DYNLT5: variants seen among roughly 807,000 people sequenced by gnomAD.
DYNLT5 encodes dynein light chain Tctex-type family member 5, also known as dynein light chain Tctex-type 5.
In DYNLT5, 25 loss-of-function variants were observed where a neutral mutation model predicts 19.3. The ratio of observed to expected loss-of-function variants is 1.30; its 90% CI spans 0.95 to 1.81. DYNLT5 has a LOEUF of 1.81. Ranked by LOEUF, DYNLT5 falls within the 40% of genes most tolerant of loss-of-function variation. The pLI is 0.00. For missense variants in DYNLT5, 232 were observed against 217.9 expected, an observed-to-expected ratio of 1.06 and a Z score of -0.41; for synonymous variants, 82 against 68.9, an observed-to-expected ratio of 1.19 and a Z score of -0.94.
In DYNLT5 at chr1:66,754,296, A is replaced by G. The variant is rs145378837; in HGVS notation, c.-3-360A>G. ...TAATTAGCAAAGTTGTATTATGGTTACATTTGGGGGGCAATACAAATATTG... is the reference window on the plus strand; with the variant it reads ...TAATTAGCAAAGTTGTATTATGGTTGCATTTGGGGGGCAATACAAATATTG... On this transcript the variant is annotated intron_variant, in intron 1 of 4. Coordinates refer to ENST00000282670, the MANE Select transcript of DYNLT5 (RefSeq NM_152665.3). Among the ~76,000 whole-genome samples the G allele has an allele frequency of 3.4e-3, 519 of 152,342 alleles. 6 individuals carry two copies. Among genetic ancestry groups the G allele is most frequent in the African/African-American group, 0.011 (478 of 41,584 alleles).
intron 2 of DYNLT5, among the ~76,000 whole-genome samples, chr1:66,756,682 A>C (rs2094636545): frequency 6.6e-6 from 1 of 152,216 alleles, no homozygotes; most frequent in Non-Finnish European, 1.5e-5. Context: ...ACTAAAGTTT[A>C]CAGGTCAAGT....
At chr1:66,761,002 C>T (rs555319545) in intron 2 of DYNLT5, among the ~76,000 whole-genome samples, 196 of 152,158 alleles carry the variant, frequency 1.3e-3, no homozygotes, top group African/African-American at 4.2e-3. Flanking sequence ...CACTTCTACT[C>T]GAAAAAAATA....
chr1:66,754,244 A>C (rs953205707), intron 1 of DYNLT5, among the ~76,000 whole-genome samples: 1 of 152,230 alleles, frequency 6.6e-6, no homozygotes, highest in Non-Finnish European at 1.5e-5. Flanking sequence ...TGTCTCAAAA[A>C]TAAAATATAA....
chr1:66,764,068 G>T (rs1377218356), intron 2 of DYNLT5, among the ~76,000 whole-genome samples: 1 of 152,012 alleles, frequency 6.6e-6, no homozygotes, highest in African/African-American at 2.4e-5. Flanking sequence ...TGCACCTGTA[G>T]TCCTTGCTAC....
chr1:66,752,892 A>G (rs2150856119), intron 1 of DYNLT5, among the ~76,000 whole-genome samples: 1 of 152,086 alleles, frequency 6.6e-6, no homozygotes, highest in Middle Eastern at 3.4e-3. Flanking sequence ...ACCCATGAGG[A>G]CCTCCAGGTC....
At chr1:66,775,418 C>T in intron 3 of DYNLT5, 1 of 152,142 alleles carries the variant, frequency 6.6e-6, no homozygotes, top group East Asian at 1.9e-4. Flanking sequence ...TATATGTATA[C>T]AATATACAGT....
intron 1 of DYNLT5, 21 bp from the exon 2 acceptor site, chr1:66,754,635 T>C: frequency 6.3e-7 from 1 of 1,581,846 alleles, no homozygotes; most frequent in Non-Finnish European, 8.6e-7. Context: ...TTTGCTATTT[T>C]ACAAAAGTCT....
chr1:66,760,670 T>C (rs1200184094), intron 2 of DYNLT5, among the ~76,000 whole-genome samples: 2 of 152,198 alleles, frequency 1.3e-5, no homozygotes, highest in African/African-American at 4.8e-5. Flanking sequence ...CACTCCTCCT[T>C]GATGATCTCC....
At position 66,778,982 on chromosome 1, in the gene DYNLT5, G is replaced by A. The variant is rs549949531; in HGVS notation, c.*1528G>A. On this transcript the variant is annotated 3_prime_UTR_variant, in exon 5 of 5. Transcript: ENST00000282670. ...GAACATCTCCCTTCGTGGAACAACA[G>A]CGGGGGTAATCATATCACTAATTTT... 1.9e-4 allele frequency among the ~76,000 whole-genome samples: 29 copies of A among 152,308 alleles called. No individual in the cohort carries two copies. Among genetic ancestry groups the A allele is most frequent in the African/African-American group, 7.0e-4 (29 of 41,578 alleles).
chr1:66,759,012 C>A (rs1054435792), intron 2 of DYNLT5, among the ~76,000 whole-genome samples: 11 of 152,020 alleles, frequency 7.2e-5, no homozygotes, highest in African/African-American at 2.4e-5. Context: ...ATAGCCTCCC[C>A]CAAAAAGAGA....
chr1:66,767,725 A>C lies in DYNLT5; in HGVS notation c.120-2662A>C, dbSNP rs767593990. 2.6e-5 allele frequency among the ~76,000 whole-genome samples: 4 copies of C among 152,360 alleles called. No individual in the cohort carries two copies. The South Asian group carries it at 8.3e-4, about 32-fold the overall frequency. On this transcript the variant is annotated intron_variant, in intron 2 of 4. Coordinates refer to ENST00000282670, the MANE Select transcript of DYNLT5 (RefSeq NM_152665.3). ...ACATAAAATAAGTCTGAAGAGAGGA[A>C]GTTCAGAGGCTTCTTTCTTATCTGT... is the stretch of plus-strand genomic sequence containing the variant.
At chr1:66,769,063 A>G (rs1193303040) in intron 2 of DYNLT5, among the ~76,000 whole-genome samples, 6 of 152,222 alleles carry the variant, frequency 3.9e-5, no homozygotes, top group Non-Finnish European at 4.4e-5. Flanking sequence ...CTTAGAATCA[A>G]GGGGTTTATG....
At chr1:66,770,655 C>T (rs1645198605) in intron 3 of DYNLT5, 177 bp downstream of exon 3, 3 of 693,274 alleles carry the variant, frequency 4.3e-6, no homozygotes, top group Non-Finnish European at 2.6e-6. Context: ...GGTAACAACA[C>T]TTGCTGTCTT....
At chr1:66,770,561 C>A in intron 3 of DYNLT5, 83 bp downstream of exon 3, 1 of 1,039,354 alleles carries the variant, frequency 9.6e-7, no homozygotes, top group East Asian at 2.4e-5. Context: ...GATAACCTGG[C>A]ATTGTCTTCA....
intron 4 of DYNLT5, 151 bp from the exon 5 acceptor site, chr1:66,777,100 G>A (rs911216422): frequency 3.2e-6 from 2 of 627,554 alleles, no homozygotes; most frequent in African/African-American, 3.6e-5. Context: ...CATGCTTGAA[G>A]GGAATCATAC....
At chr1:66,772,753 A>G (rs945325685) in intron 3 of DYNLT5, among the ~76,000 whole-genome samples, 3 of 152,234 alleles carry the variant, frequency 2.0e-5, no homozygotes, top group Admixed American at 2.0e-4. Flanking sequence ...AAACATGAGT[A>G]TCATTCATGA....
At chr1:66,767,370 A>G (rs946782716) in intron 2 of DYNLT5, among the ~76,000 whole-genome samples, 2 of 152,110 alleles carry the variant, frequency 1.3e-5, no homozygotes, top group African/African-American at 4.8e-5. Flanking sequence ...CTTGTGCCTC[A>G]GCCTCCCAAG....
intron 3 of DYNLT5, among the ~76,000 whole-genome samples, chr1:66,772,429 A>C (rs906597298): frequency 6.6e-6 from 1 of 152,220 alleles, no homozygotes; most frequent in African/African-American, 2.4e-5. Flanking sequence ...GACAGCACCA[A>C]GCCATTCATG....
chr1:66,752,549 G>T lies in DYNLT5; in HGVS notation c.-39G>T, dbSNP rs1158369046. On this transcript the variant is annotated 5_prime_UTR_variant, in exon 1 of 5. Transcript: ENST00000282670. The stretch of plus-strand genomic sequence containing the variant: ...GCGCGCAGTGTCTGCAGTGCCGGAG[G>T]TCTGGGAGGCTCCGGGCGAAGCCTC... 1.8e-5 allele frequency: 18 copies of T among 985,462 alleles called. No homozygotes were observed. Among genetic ancestry groups the T allele is most frequent in the Non-Finnish European group, 2.2e-5 (18 of 830,032 alleles). The allele number at this position is 985,462 out of a possible 1,614,324, so 61.0% of individuals were successfully genotyped here.
Sources: allele counts gnomAD v4.1 joint callset (sites outside exome capture counted in the v4.1 genomes callset), GRCh38; gene constraint gnomAD v4.1.1; transcripts MANE v1.5; gene names NCBI Gene and HGNC (gene_info 2026-07-23, HGNC 2026-07-21).